CFAP61: variants seen among roughly 807,000 people sequenced by gnomAD.
CFAP61 encodes the protein cilia and flagella associated protein 61.
CFAP61 carries 107 observed loss-of-function variants against 135.6 expected under a neutral mutation model. The observed-to-expected ratio is 0.79, with a 90% CI of 0.67 to 0.93. CFAP61 has a LOEUF of 0.93. CFAP61 is among the 40% of genes least tolerant of loss of function. The pLI, the probability that CFAP61 is intolerant of heterozygous loss-of-function variation, is 0.00. For missense variants in CFAP61, 1,507 were observed against 1,556.2 expected (o/e 0.97, Z 0.53); for synonymous variants, 575 against 578.5 (o/e 0.99, Z 0.09).
At chr20:20,249,846 C>T (rs1344008002) in intron 19 of CFAP61, among the ~76,000 whole-genome samples, 1 of 152,142 alleles carries the variant, frequency 6.6e-6, no homozygotes, top group East Asian at 1.9e-4. Context: ...TTTTCCTCAT[C>T]GTGGATGGCT....
intron 12 of CFAP61, among the ~76,000 whole-genome samples, chr20:20,168,935 T>G (rs574467026): frequency 1.3e-5 from 2 of 152,346 alleles, no homozygotes; most frequent in South Asian, 4.1e-4. Context: ...GGACCACTGG[T>G]GTAAGGTCAC....
intron 8 of CFAP61, among the ~76,000 whole-genome samples, chr20:20,132,566 A>G (rs1249607464): frequency 1.3e-5 from 2 of 152,198 alleles, no homozygotes; most frequent in Admixed American, 6.5e-5. Flanking sequence ...TATTAATATT[A>G]TCACTTTTTT....
chr20:20,120,451 A>G (rs2049523888), intron 8 of CFAP61, among the ~76,000 whole-genome samples: 5 of 151,816 alleles, frequency 3.3e-5, no homozygotes, highest in Admixed American at 3.3e-4. Context: ...TTCTCTTTTT[A>G]TTGATTTCTA....
intron 6 of CFAP61, chr20:20,085,198 GCTCT>G: frequency 1.0e-6 from 1 of 985,428 alleles, no homozygotes; most frequent in Non-Finnish European, 1.2e-6. Flanking sequence ...ATTCACAGTG[GCTCT>G]CCTTGCATCC....
chr20:20,174,861 A>G (rs553842137), intron 13 of CFAP61, among the ~76,000 whole-genome samples: 2 of 152,242 alleles, frequency 1.3e-5, no homozygotes, highest in Admixed American at 1.3e-4. Context: ...CTTAAAGAAG[A>G]CTCCATCACC....
chr20:20,070,491 C>T (rs1239398095), intron 2 of CFAP61, among the ~76,000 whole-genome samples: 1 of 152,118 alleles, frequency 6.6e-6, no homozygotes, highest in Non-Finnish European at 1.5e-5. Flanking sequence ...GACACTTGGC[C>T]ACCCTAACCA....
intron 25 of CFAP61, among the ~76,000 whole-genome samples, chr20:20,306,678 A>G (rs1047992004): frequency 6.6e-6 from 1 of 152,166 alleles, no homozygotes; most frequent in Non-Finnish European, 1.5e-5. Context: ...CTCCACCAGG[A>G]TTCCCCCCAC....
intron 21 of CFAP61, among the ~76,000 whole-genome samples, chr20:20,269,140 T>G (rs1482776751): frequency 1.2e-5 from 1 of 86,386 alleles, no homozygotes; most frequent in Non-Finnish European, 2.6e-5. Context: ...TATATATATA[T>G]ATATATACAC....
chr20:20,111,656 T>C lies in CFAP61; in HGVS notation c.859+12842T>C, dbSNP rs369040789. ...TATATTGCCATGAAAATGGGGACAC[T>C]CAATAAGAGTTTTGGAACTCTGGAG... On this transcript the variant is annotated intron_variant, in intron 8 of 26. Transcript: ENST00000245957. Among the ~76,000 whole-genome samples, 32 of 152,280 alleles carry C rather than the reference T, an allele frequency of 2.1e-4. No individual in the cohort carries two copies. In the South Asian group the frequency reaches 6.0e-3, roughly 29 times the overall value.
At chr20:20,194,045 A>T (rs73127414) in intron 15 of CFAP61, among the ~76,000 whole-genome samples, 349 of 152,336 alleles carry the variant, frequency 2.3e-3, no homozygotes, top group Non-Finnish European at 4.2e-3. Context: ...CTTCTTGAGA[A>T]TTAAATTTTC....
intron 15 of CFAP61, among the ~76,000 whole-genome samples, chr20:20,195,164 C>T (rs1454842626): frequency 2.6e-5 from 4 of 152,300 alleles, no homozygotes; most frequent in African/African-American, 9.6e-5. Context: ...TTACCCTGAG[C>T]TCTGTTTCCT....
Position 20,070,402 on chromosome 20 carries a change from C to T in CFAP61, c.144-452C>T, listed in dbSNP as rs574206035. On this transcript the variant is annotated intron_variant, in intron 2 of 26. Coordinates refer to ENST00000245957, the MANE Select transcript of CFAP61 (RefSeq NM_015585.4). The stretch of plus-strand genomic sequence containing the variant: ...GCTGTTCATAGGTGACCCATTCATC[C>T]TAGTTTGCCCAGGACTTTCATTTTT... Among the ~76,000 whole-genome samples, 6 of 152,220 alleles carry T rather than the reference C, an allele frequency of 3.9e-5. No individual in the cohort carries two copies. The South Asian group carries it at 1.2e-3, about 32-fold the overall frequency.
chr20:20,091,335 TGA>T (rs2047185169), intron 7 of CFAP61, among the ~76,000 whole-genome samples: 1 of 152,200 alleles, frequency 6.6e-6, no homozygotes. Flanking sequence ...GGATTTTGTT[TGA>T]GTTGGAAAGG....
intron 21 of CFAP61, among the ~76,000 whole-genome samples, chr20:20,273,649 C>G (rs933297887): frequency 1.3e-5 from 2 of 152,224 alleles, no homozygotes; most frequent in Non-Finnish European, 2.9e-5. Context: ...ACAGTCACAT[C>G]TAGTGTAGGC....
At chr20:20,257,483 C>T (rs903221829) in intron 20 of CFAP61, among the ~76,000 whole-genome samples, 4 of 151,840 alleles carry the variant, frequency 2.6e-5, no homozygotes, top group African/African-American at 9.7e-5. Flanking sequence ...GGTGTGGTGG[C>T]AGGGTCTTGT....
chr20:20,249,445 G>C (rs899348848), intron 19 of CFAP61, among the ~76,000 whole-genome samples: 1 of 152,152 alleles, frequency 6.6e-6, no homozygotes, highest in African/African-American at 2.4e-5. Context: ...AGTCTGAGCG[G>C]GGAGGATAGC....
In CFAP61 at chr20:20,159,414, A is replaced by C. The variant is rs1396267515; in HGVS notation, c.996A>C (p.Ala332=). The change falls in exon 10 of 27, where the codon GCA becomes GCC. Residue 332 remains alanine, a synonymous_variant. Coordinates refer to ENST00000245957, the MANE Select transcript of CFAP61 (RefSeq NM_015585.4). ...REAASEEALT[A]VQSGNVSEPE... ...CTGCATCCGAGGAAGCTTTAACAGC[A>C]GTCCAAAGTGGAAATGTTAGTGAAC... 6.2e-7 allele frequency: 1 copy of C among 1,614,028 alleles called. No individual in the cohort carries two copies. Among genetic ancestry groups the C allele is most frequent in the South Asian group, 1.1e-5 (1 of 91,078 alleles).
Position 20,199,904 on chromosome 20 carries a change from TG to T in CFAP61, c.1932+5del. 1 of 1,613,746 alleles carries T rather than the reference TG, an allele frequency of 6.2e-7. No homozygotes were observed. Among genetic ancestry groups the T allele is most frequent in the Non-Finnish European group, 8.5e-7 (1 of 1,179,924 alleles). On this transcript the variant is annotated splice_donor_region_variant and intron_variant, in intron 17 of 26. Coordinates refer to ENST00000245957, the MANE Select transcript of CFAP61 (RefSeq NM_015585.4). ...TCAAAGGCGGTCTCCAAGGATCCGGTGGGTAGCAGGGCGGCAGGCAGGGCGG... is the reference window on the plus strand; with the variant it reads ...TCAAAGGCGGTCTCCAAGGATCCGGTGGTAGCAGGGCGGCAGGCAGGGCGG...
chr20:20,271,666 G>A (rs754858763), intron 21 of CFAP61, among the ~76,000 whole-genome samples: 1 of 152,278 alleles, frequency 6.6e-6, no homozygotes, highest in Non-Finnish European at 1.5e-5. Context: ...CGATTTATTC[G>A]CTAAAAGGAG....
Sources: allele counts gnomAD v4.1 joint callset (sites outside exome capture counted in the v4.1 genomes callset), GRCh38; gene constraint gnomAD v4.1.1; transcripts MANE v1.5; gene names NCBI Gene and HGNC (gene_info 2026-07-23, HGNC 2026-07-21).